The following SLC8A1 variants were observed in gnomAD, a reference collection of about 807,000 sequenced individuals.
SLC8A1 encodes the protein sodium/calcium exchanger 1.
A neutral mutation model predicts 68.3 loss-of-function variants in SLC8A1; 18 were observed. The observed-to-expected ratio is 0.26, with a 90% CI of 0.18 to 0.39. The LOEUF (loss-of-function observed/expected upper bound fraction) is 0.39. Ranked by LOEUF, SLC8A1 falls within the 10% of genes least tolerant of loss-of-function variation. The pLI is 1.00. For synonymous variants in SLC8A1, 475 were observed against 415.5 expected (o/e 1.14, Z -1.74); for missense variants, 985 against 1,156.7 (o/e 0.85, Z 2.15).
At chr2:40,344,756 C>T (rs972155811) in intron 2 of SLC8A1, among the ~76,000 whole-genome samples, 4 of 152,196 alleles carry the variant, frequency 2.6e-5, no homozygotes, top group African/African-American at 9.6e-5. Context: ...CTAGGAAAGT[C>T]TCACTCAGAA....
At chr2:40,163,683 C>T (rs2046064424) in intron 5 of SLC8A1, among the ~76,000 whole-genome samples, 1 of 151,900 alleles carries the variant, frequency 6.6e-6, no homozygotes, top group Non-Finnish European at 1.5e-5. Context: ...ACTGTTTACC[C>T]CCGGACCCCC....
chr2:40,429,368 C>T, exon 2 of SLC8A1: 1 of 1,613,858 alleles, frequency 6.2e-7, no homozygotes, highest in Admixed American at 1.7e-5. Context: ...AGAGCACCAT[C>T]TAAGAAATTT....
intron 1 of SLC8A1, among the ~76,000 whole-genome samples, chr2:40,498,350 C>T (rs573671488): frequency 6.6e-6 from 1 of 152,118 alleles, no homozygotes; most frequent in Admixed American, 6.6e-5. Context: ...AAATTATATG[C>T]CAATGTATTA....
At chr2:40,420,309 C>G (rs1190135634) in intron 2 of SLC8A1, among the ~76,000 whole-genome samples, 1 of 151,352 alleles carries the variant, frequency 6.6e-6, no homozygotes, top group East Asian at 1.9e-4. Context: ...TAATAGCATC[C>G]CCTGATACTA....
chr2:40,177,724 G>T (rs1302295037), intron 3 of SLC8A1: 1 of 1,347,158 alleles, frequency 7.4e-7, no homozygotes, highest in East Asian at 2.5e-5. Flanking sequence ...ACAATTTCTC[G>T]CTGGTATGTC....
chr2:40,213,239 A>C (rs1480262776), intron 2 of SLC8A1: 1 of 152,218 alleles, frequency 6.6e-6, no homozygotes, highest in Non-Finnish European at 1.5e-5. Context: ...CGAGTGACCC[A>C]GGAATGAAAC....
At chr2:40,323,078 G>C (rs1191844910) in intron 2 of SLC8A1, among the ~76,000 whole-genome samples, 1 of 152,168 alleles carries the variant, frequency 6.6e-6, no homozygotes, top group African/African-American at 2.4e-5. Context: ...ATTACTGACA[G>C]AAGGTAGGAG....
At chr2:40,387,496 C>G (rs1419800053) in intron 2 of SLC8A1, among the ~76,000 whole-genome samples, 1 of 151,338 alleles carries the variant, frequency 6.6e-6, no homozygotes, top group South Asian at 2.1e-4. Context: ...AGACAAACTA[C>G]CTAAGAGTAC....
In SLC8A1 at chr2:40,450,946, C is replaced by A. The variant is rs1198847336; in HGVS notation, c.-25+958G>T. Among the ~76,000 whole-genome samples the A allele has an allele frequency of 2.6e-5, 4 of 151,960 alleles. No homozygotes were observed. In the East Asian group the frequency reaches 7.8e-4, roughly 29 times the overall value. On this transcript the variant is annotated intron_variant, in intron 1 of 7. Coordinates refer to ENST00000406785, the Ensembl canonical transcript of SLC8A1. The stretch of plus-strand genomic sequence containing the variant: ...TTGCCAGCCCAAGCCATTCATCAAA[C>A]AGCAACAGAATCCACGGGGTGGTGG...
chr2:40,430,193 C>T, exon 2 of SLC8A1: 1 of 1,613,712 alleles, frequency 6.2e-7, no homozygotes, highest in Non-Finnish European at 8.5e-7. Flanking sequence ...ACATGGTCCA[C>T]ATGGGAAAAT....
At position 40,227,738 on chromosome 2, in the gene SLC8A1, A is replaced by G. The variant is rs574492221; in HGVS notation, c.1809-49883T>C. On this transcript the variant is annotated intron_variant, in intron 2 of 7. Coordinates refer to ENST00000406785, the Ensembl canonical transcript of SLC8A1. ...ATAATAATAATAAATCTCCTTGATG[A>G]GGTTCTTTGGAATTAGGGGTTCTGC... Among the ~76,000 whole-genome samples the G allele has an allele frequency of 8.8e-4, 134 of 152,212 alleles. 1 individual carries two copies. Among genetic ancestry groups the G allele is most frequent in the African/African-American group, 3.1e-3 (129 of 41,544 alleles).
intron 2 of SLC8A1, among the ~76,000 whole-genome samples, chr2:40,278,544 G>C (rs1189429989): frequency 6.6e-6 from 1 of 152,110 alleles, no homozygotes; most frequent in African/African-American, 2.4e-5. Flanking sequence ...GGGGAGAGTA[G>C]AGTAACTTTG....
At chr2:40,136,132 G>A (rs1245274579) in intron 7 of SLC8A1, among the ~76,000 whole-genome samples, 3 of 152,210 alleles carry the variant, frequency 2.0e-5, no homozygotes, top group Non-Finnish European at 2.9e-5. Context: ...ACATTTAAAG[G>A]TGGGAAGAGG....
At chr2:40,252,721 T>C (rs1305434320) in intron 2 of SLC8A1, among the ~76,000 whole-genome samples, 1 of 151,956 alleles carries the variant, frequency 6.6e-6, no homozygotes, top group Non-Finnish European at 1.5e-5. Context: ...TAAAATAAGA[T>C]GCAAACCAGC....
chr2:40,221,871 G>T (rs2058372122), intron 2 of SLC8A1, among the ~76,000 whole-genome samples: 2 of 152,152 alleles, frequency 1.3e-5, no homozygotes, highest in South Asian at 4.1e-4. Flanking sequence ...AATAAGAGAG[G>T]ACACAAACAA....
chr2:40,453,343 G>T (rs1702779866), upstream of SLC8A1: 1 of 152,268 alleles, frequency 6.6e-6, no homozygotes, highest in African/African-American at 2.4e-5. Context: ...GTGGGAGAAG[G>T]AGGGACCTGC....
At chr2:40,349,676 T>G (rs1399409161) in intron 2 of SLC8A1, among the ~76,000 whole-genome samples, 1 of 152,180 alleles carries the variant, frequency 6.6e-6, no homozygotes, top group Non-Finnish European at 1.5e-5. Context: ...AGTGAGGTAT[T>G]TATCAAGAAT....
At chr2:40,350,866 G>T (rs1250647640) in intron 2 of SLC8A1, among the ~76,000 whole-genome samples, 5 of 152,024 alleles carry the variant, frequency 3.3e-5, no homozygotes, top group African/African-American at 1.2e-4. Context: ...ATCATGTAAA[G>T]AAAATATTAT....
At chr2:40,451,732 C>CATCACACA (rs1195159597) in intron 1 of SLC8A1, among the ~76,000 whole-genome samples, 172 bp downstream of exon 1, 1 of 136,342 alleles carries the variant, frequency 7.3e-6, no homozygotes, top group African/African-American at 2.8e-5. Context: ...CGCGCACACA[C>CATCACACA]CACATCACAC....
Sources: gnomAD v4.1 joint callset for allele counts (sites outside exome capture counted in the v4.1 genomes callset) on GRCh38, gnomAD v4.1.1 for gene constraint, MANE v1.5 for transcripts, NCBI Gene and HGNC (gene_info 2026-07-23, HGNC 2026-07-21) for gene names.